PI4K2B: variants seen among roughly 807,000 people sequenced by gnomAD.
PI4K2B encodes the protein phosphatidylinositol 4-kinase type 2-beta.
PI4K2B carries 46 observed loss-of-function variants against 56.6 expected under a neutral mutation model. The observed-to-expected ratio is 0.81, with a 90% CI of 0.64 to 1.04. The LOEUF is 1.04. Ranked by LOEUF, PI4K2B falls within the 50% of genes least tolerant of loss-of-function variation. The pLI is 0.00. For missense variants in PI4K2B, 556 were observed against 607.7 expected (o/e 0.91, Z 0.89); for synonymous variants, 211 against 223.8 (o/e 0.94, Z 0.51).
chr4:25,253,380 A>G (rs1483090852), intron 2 of PI4K2B, among the ~76,000 whole-genome samples: 3 of 152,246 alleles, frequency 2.0e-5, no homozygotes, highest in African/African-American at 7.2e-5. Context: ...ATGATGCATA[A>G]TGAGCAGTTC....
chr4:25,238,821 G>C (rs932563331), intron 1 of PI4K2B, among the ~76,000 whole-genome samples: 3 of 152,192 alleles, frequency 2.0e-5, no homozygotes, highest in Admixed American at 2.0e-4. Flanking sequence ...AGCTTCCACA[G>C]TGTGGAAGGG....
intron 1 of PI4K2B, among the ~76,000 whole-genome samples, chr4:25,236,218 TAAATAAATA>T (rs1349166218): frequency 6.1e-5 from 2 of 32,686 alleles, no homozygotes; most frequent in East Asian, 1.0e-3. Context: ...AATAAATAAA[TAAATAAATA>T]AATAAATAAA....
intron 1 of PI4K2B, among the ~76,000 whole-genome samples, chr4:25,247,099 G>C (rs753607779): frequency 1.3e-5 from 2 of 152,248 alleles, no homozygotes; most frequent in Non-Finnish European, 2.9e-5. Flanking sequence ...CCTCAGGCAC[G>C]GCCAGAGTGG....
At chr4:25,268,081 T>G (rs779838203) in intron 7 of PI4K2B, among the ~76,000 whole-genome samples, 7 of 152,144 alleles carry the variant, frequency 4.6e-5, no homozygotes, top group Admixed American at 2.0e-4. Context: ...GTGAGACCCA[T>G]TATCTTAAAA....
chr4:25,249,987 G>A (rs1040489656), intron 1 of PI4K2B, among the ~76,000 whole-genome samples: 1 of 152,232 alleles, frequency 6.6e-6, no homozygotes, highest in Non-Finnish European at 1.5e-5. Context: ...GGAGGCCGAG[G>A]CTGGCAGATC....
At chr4:25,249,843 C>T (rs1252918707) in intron 1 of PI4K2B, among the ~76,000 whole-genome samples, 1 of 152,216 alleles carries the variant, frequency 6.6e-6, no homozygotes, top group South Asian at 2.1e-4. Context: ...ACTGCAATCT[C>T]GGCACTTTGG....
At position 25,256,451 on chromosome 4, in the gene PI4K2B, A is replaced by G. The variant is rs566680317; in HGVS notation, c.625-92A>G. 7.3e-6 allele frequency: 9 copies of G among 1,230,546 alleles called. No individual in the cohort carries two copies. The South Asian group carries it at 9.0e-5, about 12-fold the overall frequency. 76.2% of individuals were successfully genotyped at this position (1,230,546 alleles called of 1,614,324 possible). A position where few individuals can be genotyped will look rare whatever the true frequency, so the allele number is the denominator to read the frequency against. ...CTTTATTACAGGATTAAACTTTGCT[A>G]ATTTTCATCATTAGAGTGAGTTTCA... On this transcript the variant is annotated intron_variant, in intron 3 of 9. Coordinates refer to ENST00000264864, the MANE Select transcript of PI4K2B (RefSeq NM_018323.4).
At chr4:25,265,815 A>C (rs1246049506) in intron 7 of PI4K2B, among the ~76,000 whole-genome samples, 1 of 152,202 alleles carries the variant, frequency 6.6e-6, no homozygotes, top group Non-Finnish European at 1.5e-5. Context: ...AGTATTTGAA[A>C]AGAATGAGGA....
rs542120285 is a variant in PI4K2B, at chr4:25,234,743, G to GT, written c.268+313dup. 5.8e-4 allele frequency among the ~76,000 whole-genome samples: 88 copies of GT among 152,348 alleles called. 2 individuals carry two copies. Among genetic ancestry groups the GT allele is most frequent in the Admixed American group, 5.5e-3 (84 of 15,310 alleles). On this transcript the variant is annotated intron_variant, in intron 1 of 9. Coordinates refer to ENST00000264864, the MANE Select transcript of PI4K2B (RefSeq NM_018323.4). ...GGAGAGGTTAACGCTGTAAAATGACGTAAGTCCTTGCTCAAGTTTGGACTT... is the reference window on the plus strand; with the variant it reads ...GGAGAGGTTAACGCTGTAAAATGACGTTAAGTCCTTGCTCAAGTTTGGACTT...
chr4:25,267,925 G>A (rs1193974873), intron 7 of PI4K2B: 2 of 948,510 alleles, frequency 2.1e-6, no homozygotes, highest in Non-Finnish European at 2.5e-6. Flanking sequence ...CCTCAGCTGT[G>A]GTATTCAATC....
Position 25,234,044 on chromosome 4 carries a change from T to G in PI4K2B, c.-120T>G. On this transcript the variant is annotated 5_prime_UTR_variant, in exon 1 of 10. Transcript: ENST00000264864. ...GCTGGGCGGGCGCCAAGCGTGCCCG[T>G]GCGCTGGTGAGGTGGCGTCCGTTCT... 1.1e-6 allele frequency: 1 copy of G among 871,470 alleles called. No homozygotes were observed. Among genetic ancestry groups the G allele is most frequent in the Non-Finnish European group, 1.5e-6 (1 of 659,780 alleles). The allele number at this position is 871,470 out of a possible 1,614,324, so 54.0% of individuals were successfully genotyped here.
At chr4:25,254,101 A>G (rs1433674552) in intron 2 of PI4K2B, among the ~76,000 whole-genome samples, 2 of 152,230 alleles carry the variant, frequency 1.3e-5, no homozygotes, top group African/African-American at 4.8e-5. Flanking sequence ...ATAGCTGGAA[A>G]AGAATTAGGG....
chr4:25,252,125 C>A (rs867862381), intron 1 of PI4K2B, among the ~76,000 whole-genome samples, 196 bp from the exon 2 acceptor site: 1 of 152,070 alleles, frequency 6.6e-6, no homozygotes, highest in African/African-American at 2.4e-5. Flanking sequence ...CTGTGCCCGC[C>A]CCCGCCCCCA....
At chr4:25,246,070 G>A (rs192520754) in intron 1 of PI4K2B, among the ~76,000 whole-genome samples, 8 of 152,260 alleles carry the variant, frequency 5.3e-5, no homozygotes, top group African/African-American at 1.4e-4. Flanking sequence ...TGGTGGGTTC[G>A]TGGTCTCGCT....
chr4:25,249,642 C>T (rs1311396392), intron 1 of PI4K2B, among the ~76,000 whole-genome samples: 2 of 151,038 alleles, frequency 1.3e-5, no homozygotes, highest in Non-Finnish European at 3.0e-5. Context: ...GTCAGAGACA[C>T]TCCTCACCTC....
chr4:25,270,143 C>T (rs1310403599), intron 9 of PI4K2B, among the ~76,000 whole-genome samples: 2 of 152,164 alleles, frequency 1.3e-5, no homozygotes, highest in Non-Finnish European at 2.9e-5. Flanking sequence ...CTCTCAGATT[C>T]ACTCACTTAG....
chr4:25,252,847 T>C (rs1020931006), intron 2 of PI4K2B, among the ~76,000 whole-genome samples: 1 of 152,136 alleles, frequency 6.6e-6, no homozygotes. Flanking sequence ...ACTCCTGGGC[T>C]CAAGCAAACC....
intron 9 of PI4K2B, among the ~76,000 whole-genome samples, chr4:25,274,863 T>C (rs1717042313): frequency 6.6e-6 from 1 of 152,180 alleles, no homozygotes; most frequent in South Asian, 2.1e-4. Flanking sequence ...TGGCGCGATC[T>C]CAGCTCACTG....
rs565706871 is a variant in PI4K2B at position 25,239,693 on chromosome 4, G to A, written c.268+5262G>A. On this transcript the variant is annotated intron_variant, in intron 1 of 9. Coordinates refer to ENST00000264864, the MANE Select transcript of PI4K2B (RefSeq NM_018323.4). The stretch of plus-strand genomic sequence containing the variant: ...AAAGGGGCTCCCACAGTGCAGTGGC[G>A]GGCTGAAGGGCTCCTCAAGTGCGGC... 9.8e-5 allele frequency among the ~76,000 whole-genome samples: 15 copies of A among 152,364 alleles called. No individual in the cohort carries two copies. In the South Asian group the frequency reaches 1.7e-3, roughly 17 times the overall value.
Sources: gnomAD v4.1 joint callset for allele counts (sites outside exome capture counted in the v4.1 genomes callset) on GRCh38, gnomAD v4.1.1 for gene constraint, MANE v1.5 for transcripts, NCBI Gene and HGNC (gene_info 2026-07-23, HGNC 2026-07-21) for gene names.